The following MON2 variants were observed in gnomAD, a reference collection of about 807,000 sequenced individuals.
MON2 encodes protein MON2 homolog.
Under a neutral mutation model 208.6 loss-of-function variants are expected in MON2, and 84 were observed. That is an observed-to-expected ratio of 0.40 (90% CI 0.34 to 0.48). The LOEUF is 0.48. Ranked by LOEUF, MON2 falls within the 20% of genes least tolerant of loss-of-function variation. The pLI, the probability that MON2 is intolerant of heterozygous loss-of-function variation, is 0.59. For missense variants in MON2, 1,611 were observed against 2,015.4 expected (o/e 0.80, Z 3.84); for synonymous variants, 660 against 694.0 (o/e 0.95, Z 0.77).
intron 8 of MON2, among the ~76,000 whole-genome samples, chr12:62,512,594 T>G (rs1258992933): frequency 6.6e-6 from 1 of 152,156 alleles, no homozygotes; most frequent in Non-Finnish European, 1.5e-5. Flanking sequence ...TCCAGGTGCT[T>G]TCATGGCCTG....
At chr12:62,489,011 A>T (rs2136025239) in intron 2 of MON2, among the ~76,000 whole-genome samples, 1 of 152,234 alleles carries the variant, frequency 6.6e-6, no homozygotes, top group East Asian at 1.9e-4. Context: ...AAGAAAAAGA[A>T]ATAAAAAAAA....
chr12:62,560,670 G>C lies in MON2; in HGVS notation c.3589G>C (p.Val1197Leu), dbSNP rs1592399892. 1.2e-6 allele frequency: 2 copies of C among 1,613,894 alleles called. No homozygotes were observed. The highest frequency in any genetic ancestry group is 2.7e-5 in the African/African-American group (2 of 74,894). Residue 1197 changes from valine to leucine, a missense_variant, in exon 26 of 35, where the codon GTT (valine) becomes CTT (leucine). Val to Leu is a conservative substitution (Grantham distance 32, BLOSUM62 1). Transcript: ENST00000393630. ...ACCTGTAGTTAATGTACCTGTGCCT[G>C]TTCTTATAGGGCCCATATCAGGCAT... Reference protein sequence around the residue: ...TPPVVNVPVPVLIGPISGMSR... With the variant: ...TPPVVNVPVPLLIGPISGMSR...
chr12:62,527,288 G>A (rs1292891439), intron 11 of MON2, among the ~76,000 whole-genome samples: 7 of 151,884 alleles, frequency 4.6e-5, no homozygotes, highest in African/African-American at 7.3e-5. Context: ...CAGAGTCTTC[G>A]GCTAGTTAAA....
In MON2 at chr12:62,600,314, C is replaced by T. The variant is rs2075597372; in HGVS notation, c.*7565C>T. On this transcript the variant is annotated 3_prime_UTR_variant, in exon 35 of 35. Coordinates refer to ENST00000393630, the MANE Select transcript of MON2 (RefSeq NM_015026.3). ...TTTTTTGCCTTTCACCAGACAACCA[C>T]TGAATGTTAAGAATCTACTGTGTGC... 6.6e-6 allele frequency: 1 copy of T among 152,210 alleles called. No individual in the cohort carries two copies. Among genetic ancestry groups the T allele is most frequent in the South Asian group, 2.1e-4 (1 of 4,834 alleles). 9.4% of individuals were successfully genotyped at this position (152,210 alleles called of 1,614,324 possible).
chr12:62,566,002 G>A lies in MON2; in HGVS notation c.4177-12G>A. 1 of 1,606,140 alleles carries A rather than the reference G, an allele frequency of 6.2e-7. No individual in the cohort carries two copies. ...ATTCTATTTGTCTTGCAACACAATG[G>A]AATCACAATAGATCCAACTATTTGC... On this transcript the variant is annotated splice_polypyrimidine_tract_variant and intron_variant, in intron 27 of 34. Transcript: ENST00000393630.
intron 3 of MON2, among the ~76,000 whole-genome samples, chr12:62,494,414 G>T (rs1294604460): frequency 6.6e-6 from 1 of 152,036 alleles, no homozygotes; most frequent in Non-Finnish European, 1.5e-5. Context: ...TAAACGTATT[G>T]TTCATATCTA....
At chr12:62,566,494 A>T (rs1327115998) in intron 29 of MON2, 44 bp downstream of exon 29, 11 of 1,520,792 alleles carry the variant, frequency 7.2e-6, no homozygotes, top group Non-Finnish European at 9.9e-6. Flanking sequence ...TGGTGTGAAC[A>T]TTATTGAAAT....
At chr12:62,480,785 G>A (rs2069378698) in intron 1 of MON2, among the ~76,000 whole-genome samples, 1 of 152,164 alleles carries the variant, frequency 6.6e-6, no homozygotes. Context: ...AGAAAGTCTG[G>A]ATAAATTACA....
chr12:62,577,980 C>T (rs1362807511), intron 30 of MON2, among the ~76,000 whole-genome samples: 1 of 152,016 alleles, frequency 6.6e-6, no homozygotes, highest in African/African-American at 2.4e-5. Flanking sequence ...GATTTTCCCT[C>T]TTTATTGTAA....
intron 9 of MON2, 91 bp downstream of exon 9, chr12:62,524,730 G>C: frequency 8.0e-7 from 1 of 1,251,776 alleles, no homozygotes; most frequent in Non-Finnish European, 1.1e-6. Flanking sequence ...CTAGTCAGAA[G>C]ACTTTTGGTA....
At chr12:62,533,013 A>G (rs2072729940) in intron 12 of MON2, among the ~76,000 whole-genome samples, 1 of 152,202 alleles carries the variant, frequency 6.6e-6, no homozygotes, top group African/African-American at 2.4e-5. Flanking sequence ...AAATTTTGCC[A>G]GTTGCCCTAG....
chr12:62,512,802 C>T (rs1361380974), intron 8 of MON2, among the ~76,000 whole-genome samples: 1 of 152,202 alleles, frequency 6.6e-6, no homozygotes, highest in Non-Finnish European at 1.5e-5. Context: ...CCTGCTCCTA[C>T]AGCAAACTTC....
chr12:62,469,106 AT>A (rs2068658994), intron 1 of MON2, among the ~76,000 whole-genome samples: 2 of 136,636 alleles, frequency 1.5e-5, no homozygotes, highest in Admixed American at 8.0e-5. Context: ...CGACAGGCTA[AT>A]TTTTCGCCTT....
At chr12:62,487,476 C>T (rs2069871241) in intron 2 of MON2, among the ~76,000 whole-genome samples, 1 of 152,030 alleles carries the variant, frequency 6.6e-6, no homozygotes, top group Non-Finnish European at 1.5e-5. Flanking sequence ...CTTTCAGCTG[C>T]TGTCAGTATA....
chr12:62,584,390 A>C (rs948964697), intron 32 of MON2, among the ~76,000 whole-genome samples: 6 of 152,184 alleles, frequency 3.9e-5, no homozygotes, highest in Non-Finnish European at 8.8e-5. Flanking sequence ...CTGTAAAAGC[A>C]AAGTAGTAAA....
intron 14 of MON2, among the ~76,000 whole-genome samples, 196 bp downstream of exon 14, chr12:62,535,905 A>G (rs1345128108): frequency 6.6e-6 from 1 of 151,758 alleles, no homozygotes; most frequent in Non-Finnish European, 1.5e-5. Context: ...CCAAAAATCC[A>G]GAATCTAAAA....
chr12:62,491,461 A>G (rs965311681), intron 2 of MON2, among the ~76,000 whole-genome samples: 7 of 152,136 alleles, frequency 4.6e-5, no homozygotes, highest in East Asian at 1.9e-4. Flanking sequence ...CTATGAAAGT[A>G]TATCTTCTTT....
chr12:62,477,933 T>C (rs2069185183), intron 1 of MON2, among the ~76,000 whole-genome samples: 1 of 152,224 alleles, frequency 6.6e-6, no homozygotes. Flanking sequence ...GGATGTAGCC[T>C]GAGGATGAAC....
chr12:62,503,317 T>C (rs911793897), intron 7 of MON2, among the ~76,000 whole-genome samples: 3 of 152,186 alleles, frequency 2.0e-5, no homozygotes, highest in Non-Finnish European at 2.9e-5. Flanking sequence ...ATCCTCTCTT[T>C]TTTATATACA....
Sources: gnomAD v4.1 joint callset for allele counts (sites outside exome capture counted in the v4.1 genomes callset) on GRCh38, gnomAD v4.1.1 for gene constraint, MANE v1.5 for transcripts, NCBI Gene and HGNC (gene_info 2026-07-23, HGNC 2026-07-21) for gene names.